Variants in CCDC7 observed in about 807,000 individuals in gnomAD.
The protein encoded by CCDC7 is coiled-coil domain-containing protein 7.
A neutral mutation model predicts 196.9 loss-of-function variants in CCDC7; 183 were observed. The ratio of observed to expected loss-of-function variants is 0.93; its 90% confidence interval spans 0.82 to 1.05. CCDC7 has a LOEUF of 1.05. Ranked by LOEUF, CCDC7 falls within the 50% of genes least tolerant of loss-of-function variation. CCDC7 has a pLI of 0.00. For missense variants in CCDC7, 1,540 were observed against 1,482.2 expected (o/e 1.04, Z -0.64); for synonymous variants, 525 against 484.6 (o/e 1.08, Z -1.10).
At chr10:32,723,986 G>A (rs1240442563) in intron 25 of CCDC7, among the ~76,000 whole-genome samples, 1 of 151,966 alleles carries the variant, frequency 6.6e-6, no homozygotes. Context: ...ACTAGGTAGG[G>A]ATTGCTTCCC....
chr10:32,476,841 C>T (rs2134025000), intron 8 of CCDC7, among the ~76,000 whole-genome samples: 1 of 152,240 alleles, frequency 6.6e-6, no homozygotes, highest in South Asian at 2.1e-4. Context: ...AGCTTATTTG[C>T]CATCTGTTTC....
chr10:32,522,246 G>A (rs561163419), intron 11 of CCDC7, among the ~76,000 whole-genome samples: 44 of 152,222 alleles, frequency 2.9e-4, no homozygotes, highest in Non-Finnish European at 5.2e-4. Flanking sequence ...TTTTAATAGG[G>A]TTGGTATTAT....
chr10:32,655,258 C>T (rs1423289199), intron 20 of CCDC7, among the ~76,000 whole-genome samples: 8 of 151,796 alleles, frequency 5.3e-5, no homozygotes, highest in South Asian at 2.1e-4. Context: ...GGAATTAGGG[C>T]ATATTAACAT....
chr10:32,800,351 C>T (rs901751675), intron 29 of CCDC7, among the ~76,000 whole-genome samples: 3 of 152,132 alleles, frequency 2.0e-5, no homozygotes, highest in Non-Finnish European at 2.9e-5. Context: ...AGTCAGGGAG[C>T]CAATGTGGAG....
rs1476592824 is a variant in CCDC7, at chr10:32,809,662, T to C, written c.3097+4564T>C. ...TCACTGGTCATCAGAGAAATGCAAA[T>C]CAAAACCACAATGAGATACCATCTC... On this transcript the variant is annotated intron_variant, in intron 30 of 41. Transcript: ENST00000639629. Among the ~76,000 whole-genome samples the C allele has an allele frequency of 2.6e-5, 4 of 152,116 alleles. No individual in the cohort carries two copies. In the East Asian group the frequency reaches 7.7e-4, roughly 29 times the overall value.
intron 20 of CCDC7, among the ~76,000 whole-genome samples, chr10:32,636,718 T>A (rs1334354031): frequency 6.6e-6 from 1 of 152,102 alleles, no homozygotes; most frequent in African/African-American, 2.4e-5. Flanking sequence ...TAGGAGCATG[T>A]TTTATAATCC....
At chr10:32,528,810 T>C (rs1158151208) in intron 11 of CCDC7, among the ~76,000 whole-genome samples, 1 of 134,768 alleles carries the variant, frequency 7.4e-6, no homozygotes, top group Non-Finnish European at 1.6e-5. Flanking sequence ...TATATATATT[T>C]ATATTTTCTT....
chr10:32,560,847 A>G (rs1221263655), intron 13 of CCDC7, among the ~76,000 whole-genome samples: 2 of 152,270 alleles, frequency 1.3e-5, no homozygotes, highest in Admixed American at 1.3e-4. Context: ...TAAATGGGCT[A>G]AATGCTCCAA....
chr10:32,852,819 CAAAT>C (rs1380091652), intron 40 of CCDC7, among the ~76,000 whole-genome samples: 1 of 152,040 alleles, frequency 6.6e-6, no homozygotes, highest in Non-Finnish European at 1.5e-5. Flanking sequence ...TCTGGAAAAG[CAAAT>C]GAATGTAAGC....
At chr10:32,612,063 T>C (rs549724835) in intron 18 of CCDC7, among the ~76,000 whole-genome samples, 1 of 152,296 alleles carries the variant, frequency 6.6e-6, no homozygotes, top group South Asian at 2.1e-4. Context: ...ATGGAATGTT[T>C]TTCCATTTGT....
intron 31 of CCDC7, among the ~76,000 whole-genome samples, chr10:32,821,345 C>G (rs1044197217): frequency 6.6e-6 from 1 of 152,062 alleles, no homozygotes; most frequent in African/African-American, 2.4e-5. Flanking sequence ...GAAATAGGAA[C>G]ACTTTTACAC....
At chr10:32,522,907 C>A (rs2084523496) in intron 11 of CCDC7, among the ~76,000 whole-genome samples, 1 of 151,962 alleles carries the variant, frequency 6.6e-6, no homozygotes, top group Non-Finnish European at 1.5e-5. Flanking sequence ...TTCTTAATTT[C>A]TTCATTGACT....
intron 35 of CCDC7, 84 bp from the exon 37 acceptor site, chr10:32,845,792 C>G: frequency 1.8e-6 from 2 of 1,142,086 alleles, no homozygotes; most frequent in Non-Finnish European, 2.6e-6. Context: ...CACACACACA[C>G]ACATACACAC....
rs1250433328 is a variant in CCDC7 at position 32,845,872 on chromosome 10, A to G, written c.3521-4A>G. ...ATATATTGAAATCTGTTTTATTTCAATAGAGACTGATAAGGAATTCTTGGC... is the reference window on the plus strand; with the variant it reads ...ATATATTGAAATCTGTTTTATTTCAGTAGAGACTGATAAGGAATTCTTGGC... On this transcript the variant is annotated splice_region_variant and splice_polypyrimidine_tract_variant and intron_variant, in intron 35 of 41. Transcript: ENST00000639629. 8.8e-6 allele frequency: 14 copies of G among 1,599,756 alleles called. No individual in the cohort carries two copies. The highest frequency in any genetic ancestry group is 4.5e-5 in the East Asian group (2 of 44,728).
At chr10:32,686,222 A>G in intron 22 of CCDC7, 142 bp downstream of exon 23, 1 of 512,046 alleles carries the variant, frequency 2.0e-6, no homozygotes. Context: ...ACTAGAGAAC[A>G]AAAGCTAGAG....
chr10:32,786,282 G>C (rs1322757859), intron 29 of CCDC7, among the ~76,000 whole-genome samples: 1 of 152,158 alleles, frequency 6.6e-6, no homozygotes, highest in Non-Finnish European at 1.5e-5. Flanking sequence ...AATACCTGGG[G>C]AAGGGAGAAA....
intron 18 of CCDC7, among the ~76,000 whole-genome samples, chr10:32,630,543 A>G (rs555077655): frequency 7.9e-5 from 12 of 152,156 alleles, no homozygotes; most frequent in Non-Finnish European, 1.6e-4. Flanking sequence ...AGAGCTAAAG[A>G]GACAGACAGA....
chr10:32,473,975 G>A (rs1269835098), exon 8 of CCDC7: 3 of 1,608,726 alleles, frequency 1.9e-6, no homozygotes, highest in Non-Finnish European at 2.5e-6. Flanking sequence ...AGAATTCTTA[G>A]AAGCCCACTC....
chr10:32,828,485 G>GGAAGAAGAAGAAGAAGAAGAAGAAGAA (rs68150303), intron 32 of CCDC7, among the ~76,000 whole-genome samples: 2 of 49,748 alleles, frequency 4.0e-5, no homozygotes, highest in South Asian at 1.0e-3. Context: ...AAGAGGAAGA[G>GGAAGAAGAAGAAGAAGAAGAAGAAGAA]GAAGAAGAAG....
Sources: allele counts gnomAD v4.1 joint callset (sites outside exome capture counted in the v4.1 genomes callset), GRCh38; gene constraint gnomAD v4.1.1; transcripts MANE v1.5; gene names NCBI Gene and HGNC (gene_info 2026-07-23, HGNC 2026-07-21).